Variants in DCLK1 observed in about 807,000 individuals in gnomAD.
DCLK1 encodes doublecortin like kinase 1, also known as serine/threonine-protein kinase DCLK1.
A neutral mutation model predicts 86.2 loss-of-function variants in DCLK1; 16 were observed. The observed-to-expected ratio is 0.19, with a 90% CI of 0.13 to 0.28. DCLK1 has a LOEUF of 0.28. DCLK1 is among the 10% of genes least tolerant of loss of function. The probability of loss-of-function intolerance (pLI) is 1.00; values close to 1 mark genes in which losing one functional copy is unlikely to be tolerated. For synonymous variants in DCLK1, 369 were observed against 370.5 expected (o/e 1.00, Z 0.05); for missense variants, 590 against 940.2 (o/e 0.63, Z 4.87).
chr13:36,015,218 T>C (rs553083119), intron 3 of DCLK1, among the ~76,000 whole-genome samples: 5 of 152,182 alleles, frequency 3.3e-5, no homozygotes, highest in African/African-American at 1.2e-4. Flanking sequence ...CCATCTCTCA[T>C]CTGCAATGAG....
At chr13:36,081,488 G>A (rs1434689597) in intron 3 of DCLK1, among the ~76,000 whole-genome samples, 1 of 152,144 alleles carries the variant, frequency 6.6e-6, no homozygotes, top group Non-Finnish European at 1.5e-5. Flanking sequence ...AGAATAGAGG[G>A]CCAATTAGAT....
At chr13:35,828,395 A>C (rs1875284875) in intron 8 of DCLK1, 88 bp from the exon 9 acceptor site, 1 of 1,012,526 alleles carries the variant, frequency 9.9e-7, no homozygotes, top group Non-Finnish European at 1.5e-6. Context: ...CCTACCCCAT[A>C]GATCTTGCAT....
intron 11 of DCLK1, among the ~76,000 whole-genome samples, chr13:35,814,251 A>T (rs1354035705): frequency 6.6e-6 from 1 of 152,218 alleles, no homozygotes; most frequent in Non-Finnish European, 1.5e-5. Context: ...CACCCATTTA[A>T]AGCCTGCACG....
intron 6 of DCLK1, chr13:35,848,568 C>T: frequency 1.0e-6 from 1 of 985,258 alleles, no homozygotes; most frequent in South Asian, 4.7e-5. Flanking sequence ...TAGTACAAGT[C>T]CAGTTTCTTT....
rs2086860034 is a variant in DCLK1 at position 35,798,696 on chromosome 13, A to G, written c.1945-5217T>C. On this transcript the variant is annotated intron_variant, in intron 15 of 16. Transcript: ENST00000360631. ...GACAGGATAAAATGCCCATATGGAA[A>G]CTGCAATTCCATGTCATCGTTTAAA... Among the ~76,000 whole-genome samples the G allele has an allele frequency of 2.6e-5, 4 of 152,338 alleles. No homozygotes were observed. In the South Asian group the frequency reaches 8.3e-4, roughly 32 times the overall value.
Position 35,797,333 on chromosome 13 carries a change from C to T in DCLK1, c.1945-3854G>A, listed in dbSNP as rs1343327854. On this transcript the variant is annotated intron_variant, in intron 15 of 16. Transcript: ENST00000360631. ...AGAAACTTGCCTTCACCTGGCTTTC[C>T]CTCCACTGCCAGTTCTTGAGCTAGG... is the stretch of plus-strand genomic sequence containing the variant. Among the ~76,000 whole-genome samples the T allele has an allele frequency of 2.0e-5, 3 of 152,304 alleles. No individual in the cohort carries two copies. The East Asian group carries it at 5.8e-4, about 29-fold the overall frequency.
chr13:35,910,208 A>C lies in DCLK1; in HGVS notation c.823+37150T>G, dbSNP rs201237462. ...TCCGATAAAAATTACATGCTTTTGA[A>C]ACCAGCAATAATAAACTGAAATGCA... is the stretch of plus-strand genomic sequence containing the variant. On this transcript the variant is annotated intron_variant, in intron 4 of 16. Coordinates refer to ENST00000360631, the MANE Select transcript of DCLK1 (RefSeq NM_001330071.2). Among the ~76,000 whole-genome samples, 13 of 152,336 alleles carry C rather than the reference A, an allele frequency of 8.5e-5. No homozygotes were observed. In the East Asian group the frequency reaches 2.5e-3, roughly 29 times the overall value.
chr13:35,958,157 A>AATCACCACCACCACC, intron 3 of DCLK1, among the ~76,000 whole-genome samples: 1 of 24,952 alleles, frequency 4.0e-5, no homozygotes, highest in East Asian at 6.0e-4. Context: ...CCACCACTAT[A>AATCACCACCACCACC]ACCATCACCA....
intron 16 of DCLK1, 34 bp from the exon 17 acceptor site, chr13:35,774,733 T>C (rs1290972174): frequency 2.5e-6 from 4 of 1,594,948 alleles, no homozygotes; most frequent in Non-Finnish European, 3.4e-6. Flanking sequence ...AGAGGACAAT[T>C]AGGGCGAGGG....
chr13:36,121,735 C>T (rs145304529), intron 2 of DCLK1, among the ~76,000 whole-genome samples: 4 of 152,230 alleles, frequency 2.6e-5, no homozygotes, highest in Admixed American at 1.3e-4. Flanking sequence ...TGTCATAGAA[C>T]GTATTTCCTT....
intron 3 of DCLK1, among the ~76,000 whole-genome samples, chr13:35,967,180 T>A (rs1306492439): frequency 1.1e-4 from 16 of 143,380 alleles, no homozygotes; most frequent in African/African-American, 4.3e-4. Context: ...GTGAGGAGCG[T>A]CTCTGACTGG....
intron 6 of DCLK1, among the ~76,000 whole-genome samples, chr13:35,842,127 G>A (rs1869845395): frequency 6.7e-6 from 1 of 150,338 alleles, no homozygotes; most frequent in African/African-American, 2.4e-5. Context: ...TAATCGGGAG[G>A]CTGAGGCAGG....
intron 3 of DCLK1, among the ~76,000 whole-genome samples, chr13:35,954,125 A>T (rs187684733): frequency 2.3e-3 from 343 of 152,202 alleles, no homozygotes; most frequent in Non-Finnish European, 3.6e-3. Context: ...TAAACTTCTT[A>T]ATACCAGTTA....
chr13:35,968,669 C>A (rs564368771), intron 3 of DCLK1, among the ~76,000 whole-genome samples: 2 of 152,142 alleles, frequency 1.3e-5, no homozygotes, highest in South Asian at 4.1e-4. Context: ...TATTCTCTCA[C>A]AAAGGAGGGC....
intron 3 of DCLK1, among the ~76,000 whole-genome samples, chr13:36,081,389 AATG>A (rs1424424902): frequency 6.6e-6 from 1 of 152,106 alleles, no homozygotes; most frequent in Non-Finnish European, 1.5e-5. Context: ...TAAAAAATCT[AATG>A]AAGCAGAAAA....
chr13:35,997,375 T>C (rs878911616), intron 3 of DCLK1, among the ~76,000 whole-genome samples: 1 of 152,220 alleles, frequency 6.6e-6, no homozygotes, highest in Non-Finnish European at 1.5e-5. Flanking sequence ...GGGAAAATCA[T>C]CGTAGAGCAG....
chr13:36,110,809 A>G (rs1342053079), intron 3 of DCLK1, among the ~76,000 whole-genome samples: 1 of 151,254 alleles, frequency 6.6e-6, no homozygotes, highest in Non-Finnish European at 1.5e-5. Context: ...CTAGCAAATC[A>G]TGCTGTACAT....
At chr13:36,052,540 G>A (rs1238430523) in intron 3 of DCLK1, among the ~76,000 whole-genome samples, 2 of 152,068 alleles carry the variant, frequency 1.3e-5, no homozygotes, top group Non-Finnish European at 2.9e-5. Context: ...AAGACTCTAG[G>A]ACAAACACTA....
chr13:36,056,949 T>C lies in DCLK1; in HGVS notation c.723+54920A>G, dbSNP rs564003508. ...TATACACACACACACATATATATTC[T>C]CCTTTTTTACACAAATGGCATTATA... On this transcript the variant is annotated intron_variant, in intron 3 of 16. Coordinates refer to ENST00000360631, the MANE Select transcript of DCLK1 (RefSeq NM_001330071.2). 2.0e-5 allele frequency among the ~76,000 whole-genome samples: 3 copies of C among 149,392 alleles called. No homozygotes were observed. In the South Asian group the frequency reaches 6.3e-4, roughly 32 times the overall value.
Sources: gnomAD v4.1 joint callset for allele counts (sites outside exome capture counted in the v4.1 genomes callset) on GRCh38, gnomAD v4.1.1 for gene constraint, MANE v1.5 for transcripts, NCBI Gene and HGNC (gene_info 2026-07-23, HGNC 2026-07-21) for gene names.